The following MYO9A variants were observed in gnomAD, a reference collection of about 807,000 sequenced individuals.
The protein encoded by MYO9A is myosin IXA.
Under a neutral mutation model 293.3 loss-of-function variants are expected in MYO9A, and 103 were observed. That is an observed-to-expected ratio of 0.35 (90% CI 0.30 to 0.41). The LOEUF (loss-of-function observed/expected upper bound fraction) is 0.41, where lower values mean the gene tolerates loss of function less well. Among genes scored for constraint, MYO9A ranks in the 10% least tolerant of loss-of-function variants. The probability of loss-of-function intolerance (pLI) is 1.00; values close to 1 mark genes in which losing one functional copy is unlikely to be tolerated. For missense variants in MYO9A, 2,685 were observed against 3,033.0 expected, an observed-to-expected ratio of 0.89 and a Z score of 2.69; for synonymous variants, 1,001 against 1,035.7, an observed-to-expected ratio of 0.97 and a Z score of 0.64.
In MYO9A at chr15:72,095,373, C is replaced by A. The variant is rs1261332866; in HGVS notation, c.-72+22307G>T. ...TGCCAAAGCCTAATCTGGAGCAAGTCTCTACCTCTCTTCACTTCTATGAAG... is the reference window on the plus strand; with the variant it reads ...TGCCAAAGCCTAATCTGGAGCAAGTATCTACCTCTCTTCACTTCTATGAAG... On this transcript the variant is annotated intron_variant, in intron 1 of 41. Transcript: ENST00000356056. Among the ~76,000 whole-genome samples, 2 of 92,782 alleles carry A rather than the reference C, an allele frequency of 2.2e-5. 1 individual carries two copies. The highest frequency in any genetic ancestry group is 6.5e-5 in the Non-Finnish European group (2 of 30,656). The allele number at this position is 92,782 out of a possible 152,430, so 60.9% of individuals were successfully genotyped here.
In MYO9A at chr15:72,075,131, A is replaced by C. The variant is rs551933316; in HGVS notation, c.-71-28497T>G. 2.2e-4 allele frequency among the ~76,000 whole-genome samples: 34 copies of C among 151,756 alleles called. No individual in the cohort carries two copies. In the South Asian group the frequency reaches 6.7e-3, roughly 30 times the overall value. On this transcript the variant is annotated intron_variant, in intron 1 of 41. Transcript: ENST00000356056. ...AGGTATGCGCCACCACGCCCAGCTAATTTTGTATTTTTTTAGTAGAGACAG... is the reference window on the plus strand; with the variant it reads ...AGGTATGCGCCACCACGCCCAGCTACTTTTGTATTTTTTTAGTAGAGACAG...
rs28715777 is a variant in MYO9A, at chr15:71,884,347, G to A, written c.5256-611C>T. Among the ~76,000 whole-genome samples, 640 of 152,172 alleles carry A rather than the reference G, an allele frequency of 4.2e-3. 6 individuals are homozygous for A. The highest frequency in any genetic ancestry group is 0.015 in the African/African-American group (613 of 41,532). ...TTAATGTCACTATTTACATTCATGAGTTATTAGTATTATTAACAGCCACTT... is the reference window on the plus strand; with the variant it reads ...TTAATGTCACTATTTACATTCATGAATTATTAGTATTATTAACAGCCACTT... On this transcript the variant is annotated intron_variant, in intron 27 of 41. Coordinates refer to ENST00000356056, the MANE Select transcript of MYO9A (RefSeq NM_006901.4).
rs528507754 is a variant in MYO9A, at chr15:71,848,869, C to T, written c.6813G>A (p.Arg2271=). 1.1e-5 allele frequency: 18 copies of T among 1,609,344 alleles called. No homozygotes were observed. In the East Asian group the frequency reaches 3.3e-4, roughly 30 times the overall value. ...CCATTGATCTACGAATCAGTGACAA[C>T]CTGGTCTTTGCCTTATTCTCAGCAA... The part of the protein sequence containing the change: ...LEFAENKAKT[R]LSLIRRSMGK... The change falls in exon 39 of 42, where the codon AGG becomes AGA. Residue 2271 remains arginine, a synonymous_variant. Transcript: ENST00000356056.
At position 72,046,083 on chromosome 15, in the gene MYO9A, T is replaced by A. The variant is rs1566980036; in HGVS notation, c.481A>T (p.Thr161Ser). The A allele has an allele frequency of 6.2e-7, 1 of 1,613,430 alleles. No homozygotes were observed. ...LCSLPDLNEK[T>S]LLENLRNRFK... ...CGATTTCGTAGGTTTTCTAAGAGAG[T>A]TTTCTCATTCAAATCAGGTAAACTA... Residue 161 changes from threonine to serine, a missense_variant, in exon 2 of 42, where the codon ACT (threonine) becomes TCT (serine). Physicochemically the swap from Thr to Ser is moderately conservative, Grantham distance 58 (BLOSUM62 1). Transcript: ENST00000356056.
At chr15:71,966,729 T>TA (rs920214006) in intron 13 of MYO9A, among the ~76,000 whole-genome samples, 1 of 151,896 alleles carries the variant, frequency 6.6e-6, no homozygotes, top group Non-Finnish European at 1.5e-5. Flanking sequence ...CACTTCAATT[T>TA]AAAAAAAAGT....
intron 4 of MYO9A, among the ~76,000 whole-genome samples, chr15:72,025,036 G>C (rs1222360926): frequency 6.6e-6 from 1 of 151,980 alleles, no homozygotes. Flanking sequence ...ATAAATGGCA[G>C]AATGGATAAA....
chr15:72,018,932 T>C, intron 6 of MYO9A, 107 bp downstream of exon 6: 1 of 825,846 alleles, frequency 1.2e-6, no homozygotes, highest in Non-Finnish European at 2.1e-6. Context: ...CTTCCTAGGA[T>C]TCTTTGTATT....
At chr15:72,052,806 A>C (rs2078605996) in intron 1 of MYO9A, among the ~76,000 whole-genome samples, 1 of 152,110 alleles carries the variant, frequency 6.6e-6, no homozygotes, top group South Asian at 2.1e-4. Context: ...AGAGTGGCCA[A>C]ACTCCTCACT....
intron 33 of MYO9A, among the ~76,000 whole-genome samples, chr15:71,861,659 C>CATCACT (rs2056129006): frequency 7.1e-6 from 1 of 139,946 alleles, no homozygotes; most frequent in African/African-American, 2.7e-5. Context: ...GTGCCATCAC[C>CATCACT]GTTTTAGGCA....
At chr15:72,094,782 C>T (rs2080021158) in intron 1 of MYO9A, among the ~76,000 whole-genome samples, 3 of 91,792 alleles carry the variant, frequency 3.3e-5, no homozygotes, top group South Asian at 9.0e-4. Context: ...TCTAAAGCAC[C>T]TGTATTACAG....
intron 18 of MYO9A, among the ~76,000 whole-genome samples, chr15:71,918,552 A>C (rs1486271107): frequency 6.6e-6 from 1 of 152,152 alleles, no homozygotes; most frequent in African/African-American, 2.4e-5. Flanking sequence ...TGCTAATTAG[A>C]AAGTTTTTGT....
chr15:71,959,925 T>C lies in MYO9A; in HGVS notation c.2158A>G (p.Lys720Glu), dbSNP rs990647751. 4 of 1,613,736 alleles carry C rather than the reference T, an allele frequency of 2.5e-6. No homozygotes were observed. Among genetic ancestry groups the C allele is most frequent in the Admixed American group, 1.7e-5 (1 of 59,982 alleles). The change falls in exon 14 of 42, where the codon AAA becomes GAA. Residue 720 changes from lysine (K) to glutamate (E), a missense_variant. By Grantham distance (56) the Lys-to-Glu change is moderately conservative. Around this residue, in one of 10 missense-constraint regions of MYO9A, gnomAD observed 1,434 missense variants for 1,497.7 expected, o/e 0.96. Transcript: ENST00000356056. ...CCAGTTTTTCTGTGAATGTTTCTTT[T>C]CCCAGCTTCCCTGAAAGCAACCATG... ...RAMVAFREAG[K>E]RNIHRKTGHD...
intron 8 of MYO9A, among the ~76,000 whole-genome samples, chr15:72,005,009 A>G (rs1458627236): frequency 6.6e-6 from 1 of 152,196 alleles, no homozygotes; most frequent in African/African-American, 2.4e-5. Context: ...TCTCAACCAA[A>G]GCCTTAAGAT....
chr15:72,082,331 T>C (rs930148779), intron 1 of MYO9A, among the ~76,000 whole-genome samples: 3 of 152,166 alleles, frequency 2.0e-5, no homozygotes, highest in African/African-American at 7.2e-5. Context: ...CTTGGCTTCT[T>C]GACTGTTGGT....
intron 4 of MYO9A, among the ~76,000 whole-genome samples, chr15:72,022,478 G>A (rs984881531): frequency 6.6e-6 from 1 of 151,316 alleles, no homozygotes; most frequent in Non-Finnish European, 1.5e-5. Context: ...CCGAGATCAC[G>A]CTACTGCACT....
chr15:71,948,991 C>T (rs2058990045), intron 15 of MYO9A, among the ~76,000 whole-genome samples: 1 of 151,620 alleles, frequency 6.6e-6, no homozygotes, highest in African/African-American at 2.4e-5. Context: ...GATTTTTTGA[C>T]ACCTTTTGGC....
In MYO9A at chr15:71,902,930, A is replaced by T. The variant is rs1442328508; in HGVS notation, c.3000+11T>A. The T allele has an allele frequency of 6.4e-7, 1 of 1,561,822 alleles. No homozygotes were observed. ...CTCAATTTTGACCAGAGCTATACAG[A>T]TTATATTTACCATGGTTTTTCCAAC... is the stretch of plus-strand genomic sequence containing the variant. On this transcript the variant is annotated intron_variant, in intron 22 of 41. Transcript: ENST00000356056.
chr15:72,083,431 T>C (rs1438341654), intron 1 of MYO9A, among the ~76,000 whole-genome samples: 1 of 152,154 alleles, frequency 6.6e-6, no homozygotes, highest in Non-Finnish European at 1.5e-5. Flanking sequence ...TAGCAAGCAA[T>C]CTATTAATTT....
At chr15:72,054,141 TA>T (rs571296138) in intron 1 of MYO9A, among the ~76,000 whole-genome samples, 76 of 152,276 alleles carry the variant, frequency 5.0e-4, no homozygotes, top group Non-Finnish European at 9.1e-4. Flanking sequence ...AAAGCTGGTA[TA>T]ATCAAAATAA....
Sources: allele counts gnomAD v4.1 joint callset (sites outside exome capture counted in the v4.1 genomes callset), GRCh38; gene constraint gnomAD v4.1.1; regional missense constraint gnomAD v4.1.1; transcripts MANE v1.5; gene names NCBI Gene and HGNC (gene_info 2026-07-23, HGNC 2026-07-21).